Variants in ADGRB1 observed in about 807,000 individuals in gnomAD.
ADGRB1 encodes brain-specific angiogenesis inhibitor 1.
In ADGRB1, 36 loss-of-function variants were observed where a neutral mutation model predicts 175.7. The ratio of observed to expected loss-of-function variants is 0.20; its 90% CI spans 0.16 to 0.27. ADGRB1 has a LOEUF of 0.27. Ranked by LOEUF, ADGRB1 falls within the 10% of genes least tolerant of loss-of-function variation. The pLI is 1.00. For missense variants in ADGRB1, 1,731 were observed against 2,255.3 expected (o/e 0.77, Z 4.71); for synonymous variants, 1,054 against 979.4 (o/e 1.08, Z -1.42).
At position 142,537,213 on chromosome 8, in the gene ADGRB1, G is replaced by C; in HGVS notation, c.3666+131G>C. The C allele has an allele frequency of 1.5e-6, 1 of 674,200 alleles. No individual in the cohort carries two copies. The highest frequency in any genetic ancestry group is 2.2e-6 in the Non-Finnish European group (1 of 451,044). The allele number at this position is 674,200 out of a possible 1,614,324, so 41.8% of individuals were successfully genotyped here. On this transcript the variant is annotated intron_variant, in intron 26 of 30. Transcript: ENST00000517894. The surrounding 1 kb of genome is among the most constrained non-coding windows in gnomAD (Gnocchi z 4.6). ...CCTGCTGAGAGGAGCTCTGAACCCA[G>C]TGTGCAGTTGGGGAAACTGAGGCTC...
At position 142,489,125 on chromosome 8, in the gene ADGRB1, G is replaced by A. The variant is rs1043564533; in HGVS notation, c.2528+15G>A. On this transcript the variant is annotated intron_variant, in intron 15 of 30. Coordinates refer to ENST00000517894, the MANE Select transcript of ADGRB1 (RefSeq NM_001702.3). ...GCCCTGCAGAGGTGGGGAGCCCTGG[G>A]CAGGTGGGGTGGGCAGTGCAGGGCA... The A allele has an allele frequency of 7.5e-6, 12 of 1,597,068 alleles. No homozygotes were observed. The highest frequency in any genetic ancestry group is 1.0e-5 in the Non-Finnish European group (12 of 1,174,376).
chr8:142,498,775 C>T (rs1206914262), intron 17 of ADGRB1, among the ~76,000 whole-genome samples: 3 of 152,164 alleles, frequency 2.0e-5, no homozygotes, highest in Non-Finnish European at 4.4e-5. Flanking sequence ...CCCACACTAC[C>T]CCTCCTGCCT....
At chr8:142,500,996 G>A (rs971254931) in intron 17 of ADGRB1, among the ~76,000 whole-genome samples, 7 of 152,176 alleles carry the variant, frequency 4.6e-5, no homozygotes, top group Non-Finnish European at 4.4e-5. Context: ...TGCTTGCACT[G>A]CGCCTTGGAC....
In ADGRB1 at chr8:142,526,529, C is replaced by T; in HGVS notation, c.3313-13C>T. ...CCCCCACCCCCACACCCCCACCACT[C>T]TCTGCCCGGCAGGTGAACATGGTCA... On this transcript the variant is annotated splice_polypyrimidine_tract_variant and intron_variant, in intron 23 of 30. Coordinates refer to ENST00000517894, the MANE Select transcript of ADGRB1 (RefSeq NM_001702.3). 6.7e-7 allele frequency: 1 copy of T among 1,482,164 alleles called. No homozygotes were observed. Among genetic ancestry groups the T allele is most frequent in the Non-Finnish European group, 9.2e-7 (1 of 1,084,742 alleles). 91.8% of individuals were successfully genotyped at this position (1,482,164 alleles called of 1,614,324 possible).
chr8:142,528,958 G>A (rs1187457188), intron 24 of ADGRB1, among the ~76,000 whole-genome samples: 1 of 152,152 alleles, frequency 6.6e-6, no homozygotes, highest in Non-Finnish European at 1.5e-5. Flanking sequence ...GTCCCTCTGG[G>A]GCCCGAGTGT....
rs968700747 is a variant in ADGRB1 at position 142,493,236 on chromosome 8, T to C, written c.2675+2421T>C. Among the ~76,000 whole-genome samples the C allele has an allele frequency of 2.0e-5, 3 of 151,980 alleles. No homozygotes were observed. The highest frequency in any genetic ancestry group is 4.8e-5 in the African/African-American group (2 of 41,392). ...GTCCAGTGAGCCGGGACAAGGACAC[T>C]GCCCCAGGGACCCAACTGTGGCCGA... On this transcript the variant is annotated intron_variant, in intron 17 of 30. Transcript: ENST00000517894. This position sits in a 1 kb window ranked among gnomAD's most constrained non-coding sequence, Gnocchi z 5.0.
intron 2 of ADGRB1, among the ~76,000 whole-genome samples, chr8:142,472,479 C>G (rs184462696): frequency 7.7e-4 from 118 of 152,308 alleles, no homozygotes; most frequent in Non-Finnish European, 2.8e-4. Flanking sequence ...CACTGTCCAC[C>G]CAGCTCAGAC....
intron 17 of ADGRB1, among the ~76,000 whole-genome samples, chr8:142,508,688 C>T (rs547119073): frequency 2.6e-5 from 4 of 152,356 alleles, no homozygotes; most frequent in African/African-American, 4.8e-5. Context: ...TTGGAGCCTG[C>T]GAAGGTCACG....
chr8:142,489,878 C>T (rs750079882), intron 16 of ADGRB1, among the ~76,000 whole-genome samples: 1 of 152,234 alleles, frequency 6.6e-6, no homozygotes, highest in Non-Finnish European at 1.5e-5. Flanking sequence ...AGCGTCCCCC[C>T]AGAACTCCCT....
At position 142,464,121 on chromosome 8, in the gene ADGRB1, G is replaced by A; in HGVS notation, c.-78G>A. 9.5e-6 allele frequency: 7 copies of A among 734,016 alleles called. No homozygotes were observed. The highest frequency in any genetic ancestry group is 2.0e-5 in the African/African-American group (1 of 50,004). 45.5% of individuals were successfully genotyped at this position (734,016 alleles called of 1,614,324 possible). A position where few individuals can be genotyped will look rare whatever the true frequency, so the allele number is the denominator to read the frequency against. Reference sequence around the variant, plus strand: ...CCCCACCGGGCCGGCCCTGCCCGCCGCCGGACCCTGGCATGTCAAGACCTG... The same window carrying A: ...CCCCACCGGGCCGGCCCTGCCCGCCACCGGACCCTGGCATGTCAAGACCTG... On this transcript the variant is annotated 5_prime_UTR_variant, in exon 2 of 31. Transcript: ENST00000517894.
At position 142,461,935 on chromosome 8, in the gene ADGRB1, T is replaced by C. The variant is rs533549708; in HGVS notation, c.-219-2045T>C. ...GCCAGGACTGGGCTCACCCCGGGAC[T>C]GTAGCGCAAGGTGAGGCTGGGGAGG... On this transcript the variant is annotated intron_variant, in intron 1 of 30. Transcript: ENST00000517894. Among the ~76,000 whole-genome samples the C allele has an allele frequency of 2.4e-4, 36 of 152,196 alleles. No individual in the cohort carries two copies. In the East Asian group the frequency reaches 4.3e-3, roughly 18 times the overall value.
At chr8:142,465,346 G>A (rs2131683202) in intron 2 of ADGRB1, among the ~76,000 whole-genome samples, 1 of 152,310 alleles carries the variant, frequency 6.6e-6, no homozygotes, top group South Asian at 2.1e-4. Context: ...CTGGCTGGGA[G>A]AGGGCCCGCC....
At chr8:142,453,437 A>G (rs999989371) in intron 1 of ADGRB1, among the ~76,000 whole-genome samples, 3 of 152,204 alleles carry the variant, frequency 2.0e-5, no homozygotes, top group Non-Finnish European at 2.9e-5. Flanking sequence ...AAAGACCCCG[A>G]ACCAGGAGGG....
At chr8:142,460,913 G>T (rs1483560153) in intron 1 of ADGRB1, among the ~76,000 whole-genome samples, 2 of 150,656 alleles carry the variant, frequency 1.3e-5, no homozygotes, top group Non-Finnish European at 2.9e-5. Context: ...CCCTTCTAAG[G>T]GGCGGTTCTG....
Position 142,542,734 on chromosome 8 carries a change from G to C in ADGRB1, c.4413+87G>C. ...CACCCCTGCTGGGTGGGACCCCCACGCCGTCAGCGGGGCGGGCTGGCTCTG... is the reference window on the plus strand; with the variant it reads ...CACCCCTGCTGGGTGGGACCCCCACCCCGTCAGCGGGGCGGGCTGGCTCTG... On this transcript the variant is annotated intron_variant, in intron 28 of 30. Coordinates refer to ENST00000517894, the MANE Select transcript of ADGRB1 (RefSeq NM_001702.3). This position sits in a 1 kb window ranked among gnomAD's most constrained non-coding sequence, Gnocchi z 6.3. The C allele has an allele frequency of 8.0e-7, 1 of 1,257,462 alleles. No homozygotes were observed. Among genetic ancestry groups the C allele is most frequent in the South Asian group, 1.5e-5 (1 of 66,202 alleles). 77.9% of individuals were successfully genotyped at this position (1,257,462 alleles called of 1,614,324 possible). A position where few individuals can be genotyped will look rare whatever the true frequency, so the allele number is the denominator to read the frequency against.
In ADGRB1 at chr8:142,537,037, CGGGGACTCA is replaced by C; in HGVS notation, c.3626_3634del (p.Asp1209_Gly1211del). 1 of 1,588,174 alleles carries C rather than the reference CGGGGACTCA, an allele frequency of 6.3e-7. No homozygotes were observed. Among genetic ancestry groups the C allele is most frequent in the Middle Eastern group, 1.7e-4 (1 of 5,942 alleles). ...TGGTTGACCGGCAGGAGGAGGGCAA[CGGGGACTCA>C]GGGGGCTCCTTCCAGAACGGCCACG... is the stretch of plus-strand genomic sequence containing the variant. On this transcript the variant is annotated inframe_deletion, in exon 26 of 31. Coordinates refer to ENST00000517894, the MANE Select transcript of ADGRB1 (RefSeq NM_001702.3). This position sits in a 1 kb window ranked among gnomAD's most constrained non-coding sequence, Gnocchi z 4.6.
chr8:142,452,370 T>C (rs1839401545), intron 1 of ADGRB1, among the ~76,000 whole-genome samples: 1 of 151,950 alleles, frequency 6.6e-6, no homozygotes, highest in Non-Finnish European at 1.5e-5. Flanking sequence ...CCTGCCGGGG[T>C]CCCGCGCAGG....
rs1251893242 is a variant in ADGRB1 at position 142,449,824 on chromosome 8, C to A, written c.-500C>A. On this transcript the variant is annotated 5_prime_UTR_variant, in exon 1 of 31. Transcript: ENST00000517894. Reference sequence around the variant, plus strand: ...CGCGTCCTGGCCCGGCCCGGGCCCGCGCGCCAGCATCGTCCGCAGCGCGGG... The same window carrying A: ...CGCGTCCTGGCCCGGCCCGGGCCCGAGCGCCAGCATCGTCCGCAGCGCGGG... 6.8e-6 allele frequency: 1 copy of A among 146,464 alleles called. No individual in the cohort carries two copies. The highest frequency in any genetic ancestry group is 2.5e-5 in the African/African-American group (1 of 40,710). 9.1% of individuals were successfully genotyped at this position (146,464 alleles called of 1,614,324 possible). A position where few individuals can be genotyped will look rare whatever the true frequency, so the allele number is the denominator to read the frequency against.
At chr8:142,460,536 AC>A (rs920703617) in intron 1 of ADGRB1, among the ~76,000 whole-genome samples, 3 of 151,776 alleles carry the variant, frequency 2.0e-5, no homozygotes, top group African/African-American at 7.3e-5. Flanking sequence ...CTCTCCCCAC[AC>A]CCCCCTGACT....
Sources: gnomAD v4.1 joint callset for allele counts (sites outside exome capture counted in the v4.1 genomes callset) on GRCh38, gnomAD v4.1.1 for gene constraint, Gnocchi (gnomAD v3.1) non-coding constraint, MANE v1.5 for transcripts, NCBI Gene and HGNC (gene_info 2026-07-23, HGNC 2026-07-21) for gene names.